The following FAM227B variants were observed in gnomAD, a reference collection of about 807,000 sequenced individuals.
FAM227B encodes the protein family with sequence similarity 227 member B, also known as protein FAM227B.
Under a neutral mutation model 73.8 loss-of-function variants are expected in FAM227B, and 88 were observed. That is an observed-to-expected ratio of 1.19 (90% CI 1.00 to 1.42). The LOEUF (loss-of-function observed/expected upper bound fraction) is 1.42. Among genes scored for constraint, FAM227B ranks in the 40% most tolerant of loss-of-function variants. The pLI, the probability that FAM227B is intolerant of heterozygous loss-of-function variation, is 0.00. For synonymous variants in FAM227B, 210 were observed against 190.5 expected (o/e 1.10, Z -0.84); for missense variants, 632 against 590.9 (o/e 1.07, Z -0.72).
intron 11 of FAM227B, among the ~76,000 whole-genome samples, chr15:49,371,653 A>G (rs1033596814): frequency 2.6e-4 from 39 of 147,926 alleles, no homozygotes; most frequent in Non-Finnish European, 5.0e-4. Flanking sequence ...CTTATAAATA[A>G]ATGAAATAAA....
intron 11 of FAM227B, among the ~76,000 whole-genome samples, chr15:49,470,410 A>G (rs1159461426): frequency 6.6e-6 from 1 of 152,206 alleles, no homozygotes; most frequent in Non-Finnish European, 1.5e-5. Flanking sequence ...TACAGCTACA[A>G]TTTCACTGTG....
chr15:49,403,583 G>A (rs117685367), intron 11 of FAM227B, among the ~76,000 whole-genome samples: 1,812 of 152,168 alleles, frequency 0.012, 19 homozygotes, highest in Non-Finnish European at 0.018. Context: ...ATGGTTGTTT[G>A]TATTTCTGTG....
At chr15:49,558,759 T>C (rs968917347) in intron 9 of FAM227B, among the ~76,000 whole-genome samples, 2 of 152,130 alleles carry the variant, frequency 1.3e-5, no homozygotes, top group African/African-American at 4.8e-5. Context: ...CTCATACCCA[T>C]TGCTCTGCAA....
chr15:49,497,207 A>T (rs2057696528), intron 11 of FAM227B, among the ~76,000 whole-genome samples: 1 of 152,218 alleles, frequency 6.6e-6, no homozygotes, highest in Non-Finnish European at 1.5e-5. Flanking sequence ...TTTATGTGCA[A>T]GTTGAATACA....
At chr15:49,395,128 T>C (rs1456613099) in intron 11 of FAM227B, among the ~76,000 whole-genome samples, 1 of 152,194 alleles carries the variant, frequency 6.6e-6, no homozygotes, top group African/African-American at 2.4e-5. Flanking sequence ...TACTTACCAA[T>C]GTCTTCTTCC....
chr15:49,532,051 T>C (rs951841546), intron 10 of FAM227B, among the ~76,000 whole-genome samples: 5 of 149,106 alleles, frequency 3.4e-5, no homozygotes, highest in Admixed American at 2.7e-4. Flanking sequence ...TTTAAGGGAA[T>C]ATCTATATAT....
chr15:49,400,315 G>A, intron 11 of FAM227B, among the ~76,000 whole-genome samples: 2 of 106,828 alleles, frequency 1.9e-5, no homozygotes, highest in African/African-American at 7.6e-5. Context: ...ATCTCTTCAA[G>A]GAGAACTACA....
At chr15:49,355,516 G>A (rs549338568) in intron 13 of FAM227B, among the ~76,000 whole-genome samples, 2 of 152,248 alleles carry the variant, frequency 1.3e-5, no homozygotes, top group African/African-American at 4.8e-5. Context: ...TGAATGAAAT[G>A]AAGCAAGAAG....
chr15:49,442,660 T>C (rs563169206), intron 11 of FAM227B, among the ~76,000 whole-genome samples: 1 of 151,838 alleles, frequency 6.6e-6, no homozygotes, highest in Admixed American at 6.6e-5. Context: ...CAGTGTCTTT[T>C]ATTGTTGCCT....
chr15:49,531,204 C>T (rs2060583496), intron 10 of FAM227B, among the ~76,000 whole-genome samples: 3 of 151,686 alleles, frequency 2.0e-5, no homozygotes. Context: ...TGGAAATGTT[C>T]CATACCTTGA....
At position 49,362,461 on chromosome 15, in the gene FAM227B, T is replaced by G. The variant is rs573946978; in HGVS notation, c.1271+4987A>C. On this transcript the variant is annotated intron_variant, in intron 13 of 15. Transcript: ENST00000299338. The stretch of plus-strand genomic sequence containing the variant: ...TCTTTTCTTCATAAATTATCCAGGT[T>G]CAGGTAGTTCTTTATAGCAGCATGA... 1.0e-3 allele frequency among the ~76,000 whole-genome samples: 158 copies of G among 152,184 alleles called. 1 individual carries two copies. The highest frequency in any genetic ancestry group is 3.7e-3 in the African/African-American group (155 of 41,540).
chr15:49,439,923 T>C (rs1222302573), intron 11 of FAM227B, among the ~76,000 whole-genome samples: 2 of 151,768 alleles, frequency 1.3e-5, no homozygotes, highest in Admixed American at 6.6e-5. Context: ...AGTTTGCAGA[T>C]AGCCCTCAGG....
At chr15:49,347,437 A>G (rs986967476) in intron 13 of FAM227B, among the ~76,000 whole-genome samples, 1 of 152,212 alleles carries the variant, frequency 6.6e-6, no homozygotes, top group Non-Finnish European at 1.5e-5. Flanking sequence ...CATTCTATGT[A>G]TAGGACAGAT....
intron 9 of FAM227B, among the ~76,000 whole-genome samples, chr15:49,562,791 T>C (rs1327101503): frequency 6.6e-6 from 1 of 152,116 alleles, no homozygotes; most frequent in African/African-American, 2.4e-5. Flanking sequence ...TTTGATAAAA[T>C]TCAACATCCC....
intron 10 of FAM227B, among the ~76,000 whole-genome samples, chr15:49,540,226 G>A (rs2070871520): frequency 6.6e-6 from 1 of 152,130 alleles, no homozygotes. Context: ...GCTGCCTCAG[G>A]AACTGTTGAA....
chr15:49,579,009 T>C (rs1014466626), intron 5 of FAM227B, among the ~76,000 whole-genome samples: 7 of 152,052 alleles, frequency 4.6e-5, no homozygotes, highest in African/African-American at 1.4e-4. Flanking sequence ...AGGCAAAGGA[T>C]CTGAATATAC....
chr15:49,420,106 T>A (rs1342991572), intron 11 of FAM227B, among the ~76,000 whole-genome samples: 2 of 152,204 alleles, frequency 1.3e-5, no homozygotes, highest in Non-Finnish European at 2.9e-5. Context: ...TAGCACAACC[T>A]CTGTGGAGGA....
At chr15:49,395,694 C>A (rs747909467) in intron 11 of FAM227B, among the ~76,000 whole-genome samples, 2 of 152,194 alleles carry the variant, frequency 1.3e-5, no homozygotes, top group Non-Finnish European at 2.9e-5. Flanking sequence ...AGGGCTGGGT[C>A]AGAAACTTCT....
At chr15:49,618,479 G>T (rs908543250) in intron 1 of FAM227B, among the ~76,000 whole-genome samples, 1 of 152,226 alleles carries the variant, frequency 6.6e-6, no homozygotes. Flanking sequence ...TAAGAGAAAG[G>T]AAAGTAAAAA....
Sources: allele counts gnomAD v4.1 joint callset (sites outside exome capture counted in the v4.1 genomes callset), GRCh38; gene constraint gnomAD v4.1.1; transcripts MANE v1.5; gene names NCBI Gene and HGNC (gene_info 2026-07-23, HGNC 2026-07-21).